Variants in SLC9A9 observed in about 807,000 individuals in gnomAD.
The protein encoded by SLC9A9 is sodium/hydrogen exchanger 9.
In SLC9A9, 62 loss-of-function variants were observed where a neutral mutation model predicts 77.8. That is an observed-to-expected ratio of 0.80 (90% CI 0.65 to 0.98). SLC9A9 has a LOEUF of 0.98. SLC9A9 is among the 50% of genes least tolerant of loss of function. The probability of loss-of-function intolerance (pLI) is 0.00; values close to 1 mark genes in which losing one functional copy is unlikely to be tolerated. For synonymous variants in SLC9A9, 320 were observed against 283.5 expected (o/e 1.13, Z -1.29); for missense variants, 775 against 774.9 (o/e 1.00, Z 0.00).
chr3:143,324,808 G>A (rs776005474), intron 14 of SLC9A9, among the ~76,000 whole-genome samples: 24 of 152,086 alleles, frequency 1.6e-4, no homozygotes, highest in Non-Finnish European at 1.8e-4. Flanking sequence ...GGCGATAGAG[G>A]AAACCCTGTT....
At chr3:143,502,879 G>A (rs572674782) in intron 9 of SLC9A9, among the ~76,000 whole-genome samples, 1 of 151,874 alleles carries the variant, frequency 6.6e-6, no homozygotes, top group South Asian at 2.1e-4. Flanking sequence ...TTCCTAACTG[G>A]GAGCTTTCTA....
At chr3:143,420,662 G>T (rs1448979252) in intron 12 of SLC9A9, among the ~76,000 whole-genome samples, 10 of 152,270 alleles carry the variant, frequency 6.6e-5, no homozygotes, top group Admixed American at 6.5e-4. Context: ...ATCATTATTT[G>T]ATTGTTTCTA....
rs1388424741 is a variant in SLC9A9 at position 143,669,904 on chromosome 3, G to A, written c.650-17544C>T. ...ATATTGTAAGTGCTTCATCAGTGGT[G>A]GTTACTGTATTGTTATTGTTCATGC... On this transcript the variant is annotated intron_variant, in intron 5 of 15. Coordinates refer to ENST00000316549, the MANE Select transcript of SLC9A9 (RefSeq NM_173653.4). Among the ~76,000 whole-genome samples the A allele has an allele frequency of 3.3e-5, 5 of 152,138 alleles. No individual in the cohort carries two copies. In the East Asian group the frequency reaches 9.6e-4, roughly 29 times the overall value.
intron 5 of SLC9A9, among the ~76,000 whole-genome samples, chr3:143,654,530 T>C (rs115252778): frequency 0.014 from 2,204 of 152,326 alleles, 57 homozygotes; most frequent in African/African-American, 0.051. Context: ...AAGTAATCTC[T>C]TTCTCCTTTT....
At position 143,734,548 on chromosome 3, in the gene SLC9A9, A is replaced by G. The variant is rs60091927; in HGVS notation, c.534-41241T>C. Reference sequence around the variant, plus strand: ...CAGGAGATCGAGACCATCCTGGCCAACATAGTAAAACCCTGTCTCTACTAA... The same window carrying G: ...CAGGAGATCGAGACCATCCTGGCCAGCATAGTAAAACCCTGTCTCTACTAA... On this transcript the variant is annotated intron_variant, in intron 4 of 15. Transcript: ENST00000316549. 1.3e-3 allele frequency among the ~76,000 whole-genome samples: 193 copies of G among 152,124 alleles called. 1 individual carries two copies. Among genetic ancestry groups the G allele is most frequent in the African/African-American group, 4.3e-3 (180 of 41,514 alleles).
At chr3:143,305,290 G>C (rs1403383374) in intron 14 of SLC9A9, among the ~76,000 whole-genome samples, 2 of 152,162 alleles carry the variant, frequency 1.3e-5, no homozygotes, top group Non-Finnish European at 2.9e-5. Flanking sequence ...CAGTCACTTG[G>C]TTAGATCAGC....
chr3:143,652,062 G>A (rs1474428913), intron 6 of SLC9A9, among the ~76,000 whole-genome samples, 193 bp downstream of exon 6: 3 of 152,052 alleles, frequency 2.0e-5, no homozygotes, highest in Non-Finnish European at 4.4e-5. Flanking sequence ...TAATAAGCTG[G>A]AAACATAAAA....
chr3:143,278,616 G>T (rs561129875), intron 14 of SLC9A9, among the ~76,000 whole-genome samples: 271 of 152,320 alleles, frequency 1.8e-3, no homozygotes, highest in African/African-American at 6.1e-3. Flanking sequence ...TCTTCACAGG[G>T]TGTTCTATGT....
At chr3:143,437,951 GA>G (rs2034654648) in intron 12 of SLC9A9, among the ~76,000 whole-genome samples, 1 of 152,180 alleles carries the variant, frequency 6.6e-6, no homozygotes, top group Non-Finnish European at 1.5e-5. Flanking sequence ...TTATAGAGGG[GA>G]GTTGTTAGCT....
chr3:143,414,301 C>T (rs1378708433), intron 12 of SLC9A9, among the ~76,000 whole-genome samples: 1 of 152,136 alleles, frequency 6.6e-6, no homozygotes, highest in African/African-American at 2.4e-5. Flanking sequence ...CTATGTGTAT[C>T]TGTATATTTT....
chr3:143,537,752 C>T (rs548133987), intron 9 of SLC9A9, among the ~76,000 whole-genome samples: 7 of 152,250 alleles, frequency 4.6e-5, no homozygotes, highest in South Asian at 2.1e-4. Flanking sequence ...TTACTCCCCC[C>T]GAAACTTTAC....
At chr3:143,484,671 G>T (rs2035629663) in intron 11 of SLC9A9, among the ~76,000 whole-genome samples, 1 of 152,158 alleles carries the variant, frequency 6.6e-6, no homozygotes, top group Admixed American at 6.5e-5. Flanking sequence ...GCTGGGGTTG[G>T]CCTGGATTAG....
chr3:143,826,194 G>A (rs1411472837), intron 2 of SLC9A9, among the ~76,000 whole-genome samples: 4 of 151,972 alleles, frequency 2.6e-5, no homozygotes, highest in African/African-American at 9.7e-5. Flanking sequence ...AGGAGGCAGA[G>A]GTTGCAGTGA....
intron 13 of SLC9A9, among the ~76,000 whole-genome samples, chr3:143,379,471 T>C (rs979037318): frequency 1.3e-5 from 2 of 152,214 alleles, no homozygotes; most frequent in Non-Finnish European, 2.9e-5. Context: ...GGAGAAAACC[T>C]CTTTCTGAAA....
chr3:143,829,372 C>T (rs2009378751), intron 2 of SLC9A9, among the ~76,000 whole-genome samples: 1 of 152,148 alleles, frequency 6.6e-6, no homozygotes, highest in African/African-American at 2.4e-5. Flanking sequence ...ATGAAGCCCT[C>T]TTCAATTCTT....
At chr3:143,673,227 T>C (rs1323170879) in intron 5 of SLC9A9, among the ~76,000 whole-genome samples, 1 of 152,202 alleles carries the variant, frequency 6.6e-6, no homozygotes, top group African/African-American at 2.4e-5. Context: ...TATCTGATTA[T>C]GGCGAGGGGA....
At position 143,460,426 on chromosome 3, in the gene SLC9A9, C is replaced by CTT. The variant is rs79384361; in HGVS notation, c.1469+6609_1469+6610dup. ...GTTCCATCTACTGCATTCAAAATCA[C>CTT]TTTTTTTTTTCAAACGTTGGCTGTT... On this transcript the variant is annotated intron_variant, in intron 12 of 15. Transcript: ENST00000316549. 2.1e-3 allele frequency among the ~76,000 whole-genome samples: 318 copies of CTT among 150,274 alleles called. 1 individual carries two copies. The highest frequency in any genetic ancestry group is 7.0e-3 in the African/African-American group (286 of 40,982).
intron 1 of SLC9A9, 40 bp downstream of exon 1, chr3:143,848,108 G>A (rs1196736343): frequency 1.3e-6 from 2 of 1,581,374 alleles, no homozygotes; most frequent in Non-Finnish European, 1.7e-6. Context: ...TTACGCTCAA[G>A]CAACAAGTTT....
chr3:143,699,138 C>T (rs1193131265), intron 4 of SLC9A9, among the ~76,000 whole-genome samples: 2 of 152,164 alleles, frequency 1.3e-5, no homozygotes, highest in Non-Finnish European at 2.9e-5. Flanking sequence ...GGAAGTTCCC[C>T]TAGTGAAATT....
Sources: allele counts gnomAD v4.1 joint callset (sites outside exome capture counted in the v4.1 genomes callset), GRCh38; gene constraint gnomAD v4.1.1; transcripts MANE v1.5; gene names NCBI Gene and HGNC (gene_info 2026-07-23, HGNC 2026-07-21).